CSMD1: variants seen among roughly 807,000 people sequenced by gnomAD.
CSMD1 encodes the protein CUB and Sushi multiple domains 1.
In CSMD1, 213 loss-of-function variants were observed where a neutral mutation model predicts 417.5. The ratio of observed to expected loss-of-function variants is 0.51; its 90% CI spans 0.46 to 0.57. CSMD1 has a LOEUF of 0.57. Ranked by LOEUF, CSMD1 falls within the 20% of genes least tolerant of loss-of-function variation. The pLI is 0.00. For missense variants in CSMD1, 6,923 were observed against 4,529.7 expected (o/e 1.53, Z -15.17); for synonymous variants, 2,862 against 1,736.8 (o/e 1.65, Z -16.11).
chr8:3,517,992 C>G (rs913058923), intron 10 of CSMD1, among the ~76,000 whole-genome samples: 1 of 152,070 alleles, frequency 6.6e-6, no homozygotes, highest in African/African-American at 2.4e-5. Flanking sequence ...TCATATAAAT[C>G]ATGTAGGTGA....
intron 1 of CSMD1, among the ~76,000 whole-genome samples, chr8:4,847,808 A>G (rs1439360288): frequency 6.8e-6 from 1 of 146,712 alleles, no homozygotes; most frequent in Admixed American, 6.9e-5. Flanking sequence ...GGCTTGAGAT[A>G]TAAGTTCTAT....
In CSMD1 at chr8:4,026,616, G is replaced by A. The variant is rs557593301; in HGVS notation, c.610+5289C>T. Among the ~76,000 whole-genome samples the A allele has an allele frequency of 1.1e-4, 17 of 152,320 alleles. No individual in the cohort carries two copies. In the East Asian group the frequency reaches 3.3e-3, roughly 29 times the overall value. On this transcript the variant is annotated intron_variant, in intron 4 of 69. Coordinates refer to ENST00000635120, the MANE Select transcript of CSMD1 (RefSeq NM_033225.6). Reference sequence around the variant, plus strand: ...GACACTGCCACTCACAGTTTTAATGGTGGTATCTTATCTCCTGGGAAGCTA... The same window carrying A: ...GACACTGCCACTCACAGTTTTAATGATGGTATCTTATCTCCTGGGAAGCTA...
chr8:4,499,273 G>C (rs1309741092), intron 2 of CSMD1, among the ~76,000 whole-genome samples: 1 of 152,194 alleles, frequency 6.6e-6, no homozygotes, highest in Non-Finnish European at 1.5e-5. Context: ...AAAGAAGAAA[G>C]CAGCCCAGGT....
chr8:4,514,167 C>A (rs1802986674), intron 2 of CSMD1, among the ~76,000 whole-genome samples: 1 of 152,094 alleles, frequency 6.6e-6, no homozygotes, highest in Non-Finnish European at 1.5e-5. Flanking sequence ...CTCTTCCTGG[C>A]TTGCAAAATG....
intron 3 of CSMD1, among the ~76,000 whole-genome samples, chr8:4,050,678 C>T (rs1798379457): frequency 6.6e-6 from 1 of 152,048 alleles, no homozygotes; most frequent in Non-Finnish European, 1.5e-5. Flanking sequence ...ACCCATTACA[C>T]ATCCCCACTT....
intron 1 of CSMD1, among the ~76,000 whole-genome samples, chr8:4,693,990 G>A (rs1237697825): frequency 2.0e-5 from 3 of 152,232 alleles, no homozygotes; most frequent in Non-Finnish European, 4.4e-5. Flanking sequence ...GTGAAGGAAA[G>A]TCAATCTCGG....
chr8:4,869,607 A>T (rs1314620780), intron 1 of CSMD1, among the ~76,000 whole-genome samples: 1 of 152,076 alleles, frequency 6.6e-6, no homozygotes, highest in Non-Finnish European at 1.5e-5. Context: ...TAATGATCAC[A>T]TTCTTTAAAA....
At chr8:3,180,596 T>C (rs1821261057) in intron 37 of CSMD1, among the ~76,000 whole-genome samples, 1 of 152,182 alleles carries the variant, frequency 6.6e-6, no homozygotes, top group African/African-American at 2.4e-5. Context: ...AACTTATACA[T>C]TTACCCATTA....
rs562334406 is a variant in CSMD1 at position 3,070,944 on chromosome 8, T to C, written c.7474+16153A>G. Reference sequence around the variant, plus strand: ...TTGGCTCATGGTTCTGTGGGCTTTATAGGAAGCATGGTGCTGGCATCTGTT... The same window carrying C: ...TTGGCTCATGGTTCTGTGGGCTTTACAGGAAGCATGGTGCTGGCATCTGTT... On this transcript the variant is annotated intron_variant, in intron 49 of 69. Coordinates refer to ENST00000635120, the MANE Select transcript of CSMD1 (RefSeq NM_033225.6). Among the ~76,000 whole-genome samples the C allele has an allele frequency of 8.5e-5, 13 of 152,330 alleles. No homozygotes were observed. The East Asian group carries it at 2.5e-3, about 29-fold the overall frequency.
intron 2 of CSMD1, among the ~76,000 whole-genome samples, chr8:4,424,373 G>A (rs1003743748): frequency 2.8e-4 from 42 of 151,464 alleles, no homozygotes; most frequent in African/African-American, 7.8e-4. Flanking sequence ...TTAGAAAATA[G>A]GCAACAAGCA....
At chr8:4,317,407 T>A (rs1798996982) in intron 3 of CSMD1, among the ~76,000 whole-genome samples, 1 of 152,184 alleles carries the variant, frequency 6.6e-6, no homozygotes, top group Admixed American at 6.6e-5. Context: ...CTCAAATGGT[T>A]ACAAAACCAG....
intron 3 of CSMD1, among the ~76,000 whole-genome samples, chr8:4,238,199 A>G (rs796353073): frequency 3.9e-5 from 6 of 152,318 alleles, no homozygotes; most frequent in African/African-American, 1.4e-4. Context: ...CGTCGATATT[A>G]ACACACTCCC....
chr8:3,064,648 T>C (rs1478012811), intron 49 of CSMD1, among the ~76,000 whole-genome samples: 3 of 152,180 alleles, frequency 2.0e-5, no homozygotes, highest in African/African-American at 4.8e-5. Flanking sequence ...GATAAGAATG[T>C]TGACTACAGT....
At chr8:4,530,496 C>A (rs572873083) in intron 2 of CSMD1, among the ~76,000 whole-genome samples, 1 of 150,134 alleles carries the variant, frequency 6.7e-6, no homozygotes, top group East Asian at 2.0e-4. Flanking sequence ...CCTCCCCTTT[C>A]CCCCGACCCC....
intron 46 of CSMD1, among the ~76,000 whole-genome samples, chr8:3,105,527 CTA>C (rs1359954174): frequency 6.6e-6 from 1 of 152,186 alleles, no homozygotes; most frequent in African/African-American, 2.4e-5. Context: ...AAAGTGGTGT[CTA>C]TTAATATTTT....
intron 3 of CSMD1, among the ~76,000 whole-genome samples, chr8:4,401,814 C>T (rs1258439314): frequency 2.6e-5 from 4 of 152,122 alleles, no homozygotes; most frequent in African/African-American, 4.8e-5. Flanking sequence ...CTCACCCCTC[C>T]GTTCCCTGGG....
rs991323869 is a variant in CSMD1, at chr8:2,947,261, A to T, written c.10402+2038T>A. Reference sequence around the variant, plus strand: ...TTTTTGCATTAAATTTGTCTTTCAAATTAATTTTATTTTAGTATCCACTTA... The same window carrying T: ...TTTTTGCATTAAATTTGTCTTTCAATTTAATTTTATTTTAGTATCCACTTA... On this transcript the variant is annotated intron_variant, in intron 68 of 69. Coordinates refer to ENST00000635120, the MANE Select transcript of CSMD1 (RefSeq NM_033225.6). Among the ~76,000 whole-genome samples, 12 of 152,150 alleles carry T rather than the reference A, an allele frequency of 7.9e-5. No individual in the cohort carries two copies. The South Asian group carries it at 1.9e-3, about 24-fold the overall frequency.
chr8:3,249,243 A>G (rs1220224467), intron 26 of CSMD1, among the ~76,000 whole-genome samples: 1 of 152,072 alleles, frequency 6.6e-6, no homozygotes, highest in African/African-American at 2.4e-5. Context: ...TGTTATTGAG[A>G]TAGAGACTCA....
chr8:4,090,911 CTT>C (rs34318541), intron 3 of CSMD1, among the ~76,000 whole-genome samples: 11 of 144,586 alleles, frequency 7.6e-5, no homozygotes, highest in South Asian at 2.2e-4. Context: ...AAGGGGCAGT[CTT>C]TTTTTTTTTT....
Sources: allele counts gnomAD v4.1 joint callset (sites outside exome capture counted in the v4.1 genomes callset), GRCh38; gene constraint gnomAD v4.1.1; transcripts MANE v1.5; gene names NCBI Gene and HGNC (gene_info 2026-07-23, HGNC 2026-07-21).